Variants in NOD1 observed in about 807,000 individuals in gnomAD.
The protein encoded by NOD1 is nucleotide-binding oligomerization domain-containing protein 1.
In NOD1, 70 loss-of-function variants were observed where a neutral mutation model predicts 81.2. The ratio of observed to expected loss-of-function variants is 0.86; its 90% CI spans 0.71 to 1.05. NOD1 has a LOEUF of 1.05. NOD1 is among the 50% of genes least tolerant of loss of function. NOD1 has a pLI of 0.00. For missense variants in NOD1, 1,233 were observed against 1,228.0 expected (o/e 1.00, Z -0.06); for synonymous variants, 508 against 526.9 (o/e 0.96, Z 0.49).
chr7:30,446,520 G>C, intron 8 of NOD1: 1 of 446,166 alleles, frequency 2.2e-6, no homozygotes, highest in South Asian at 2.5e-5. Context: ...CTTCCCTCGG[G>C]AGACCTGGGA....
intron 6 of NOD1, among the ~76,000 whole-genome samples, chr7:30,450,918 A>G (rs1034353250): frequency 6.6e-6 from 1 of 152,190 alleles, no homozygotes; most frequent in African/African-American, 2.4e-5. Flanking sequence ...CTCAACTAAC[A>G]TTGGTCCCTG....
Position 30,451,461 on chromosome 7 carries a change from G to C in NOD1, c.1956C>G (p.Phe652Leu). Reference protein sequence around the residue: ...SFNQVQAMPTFIWMLRCIYET... With the variant: ...SFNQVQAMPTLIWMLRCIYET... ...CGTAGATGCAGCGCAGCATCCAGAT[G>C]AACGTGGGCATGGCCTGCACCTGGT... The change falls in exon 6 of 14, where the codon TTC (phenylalanine) becomes TTG (leucine). Residue 652 changes from phenylalanine (F) to leucine (L), a missense_variant. Phe to Leu is a conservative substitution (Grantham distance 22). Coordinates refer to ENST00000222823, the MANE Select transcript of NOD1 (RefSeq NM_006092.4). The surrounding 1 kb of genome is among the most constrained non-coding windows in gnomAD (Gnocchi z 4.2). The C allele has an allele frequency of 6.2e-7, 1 of 1,613,478 alleles. No homozygotes were observed. The highest frequency in any genetic ancestry group is 8.5e-7 in the Non-Finnish European group (1 of 1,180,006).
At chr7:30,454,357 C>T (rs926097347) in intron 5 of NOD1, among the ~76,000 whole-genome samples, 1 of 152,208 alleles carries the variant, frequency 6.6e-6, no homozygotes, top group South Asian at 2.1e-4. Flanking sequence ...CTTGGACTGC[C>T]GCTGTCCTGA....
chr7:30,466,922 T>C (rs1787754375), intron 1 of NOD1, among the ~76,000 whole-genome samples: 1 of 152,148 alleles, frequency 6.6e-6, no homozygotes, highest in African/African-American at 2.4e-5. Context: ...GTTACATCAT[T>C]CACCTTCTCC....
intron 5 of NOD1, among the ~76,000 whole-genome samples, chr7:30,454,048 G>T (rs1380634169): frequency 1.3e-5 from 2 of 152,176 alleles, no homozygotes; most frequent in Non-Finnish European, 2.9e-5. Context: ...AAGGAAACAA[G>T]GGGAGACAGG....
At chr7:30,457,094 A>G in intron 3 of NOD1, 52 bp from the exon 4 acceptor site, 1 of 609,116 alleles carries the variant, frequency 1.6e-6, no homozygotes, top group Admixed American at 2.7e-5. Flanking sequence ...GAAAGAGCTC[A>G]CCCCACCTCC....
intron 13 of NOD1, chr7:30,428,391 G>A (rs1443048157): frequency 1.3e-5 from 2 of 151,686 alleles, no homozygotes; most frequent in Admixed American, 6.6e-5. Flanking sequence ...AAAACCTTTT[G>A]TCTACAACCC....
rs776469099 is a variant in NOD1 at position 30,447,003 on chromosome 7, T to C, written c.2333A>G (p.Lys778Arg). The change falls in exon 8 of 14, where the codon AAA becomes AGA. Residue 778 changes from lysine to arginine, a missense_variant. Lys to Arg is a conservative substitution (Grantham distance 26). Coordinates refer to ENST00000222823, the MANE Select transcript of NOD1 (RefSeq NM_006092.4). ...GAGGCCTTTGCATTCATCCAGGATT[T>C]TGGTGACGTACCTGGCTCCGACATC... is the stretch of plus-strand genomic sequence containing the variant. ...ITDVGARYVT[K>R]ILDECKGLTH... The C allele has an allele frequency of 6.2e-7, 1 of 1,614,224 alleles. No homozygotes were observed. Among genetic ancestry groups the C allele is most frequent in the Non-Finnish European group, 8.5e-7 (1 of 1,180,022 alleles).
Position 30,425,521 on chromosome 7 carries a change from C to T in NOD1, c.*117G>A. The T allele has an allele frequency of 7.9e-6, 6 of 762,114 alleles. No individual in the cohort carries two copies. Among genetic ancestry groups the T allele is most frequent in the Non-Finnish European group, 1.2e-5 (5 of 425,764 alleles). 47.2% of individuals were successfully genotyped at this position (762,114 alleles called of 1,614,324 possible). A position where few individuals can be genotyped will look rare whatever the true frequency, so the allele number is the denominator to read the frequency against. On this transcript the variant is annotated 3_prime_UTR_variant, in exon 14 of 14. Transcript: ENST00000222823. ...TGGCTTGCATCATGGAGGCAGTGGACTCCTGATAGTCCCGCCTGCGCAGGC... is the reference window on the plus strand; with the variant it reads ...TGGCTTGCATCATGGAGGCAGTGGATTCCTGATAGTCCCGCCTGCGCAGGC...
intron 1 of NOD1, among the ~76,000 whole-genome samples, chr7:30,471,868 C>G (rs559994377): frequency 6.6e-6 from 1 of 152,298 alleles, no homozygotes; most frequent in East Asian, 1.9e-4. Flanking sequence ...GCCTAGGAGG[C>G]CCATATGCAT....
chr7:30,435,491 C>T (rs1784303581), intron 11 of NOD1, among the ~76,000 whole-genome samples: 1 of 152,274 alleles, frequency 6.6e-6, no homozygotes, highest in Non-Finnish European at 1.5e-5. Context: ...TCCCGGAGCC[C>T]ACTTCCTCCT....
In NOD1 at chr7:30,478,573, GC is replaced by G. The variant is rs1789031025; in HGVS notation, c.-352+32del. ...GCGCCCAGGACCTCAGAAAGGGCCT[GC>G]CCCGCGCGAATCCCCAGTCGCTGGG... On this transcript the variant is annotated intron_variant, in intron 1 of 13. Transcript: ENST00000222823. The surrounding 1 kb of genome is among the most constrained non-coding windows in gnomAD (Gnocchi z 4.1). 1 of 152,386 alleles carries G rather than the reference GC, an allele frequency of 6.6e-6. No homozygotes were observed. 9.4% of individuals were successfully genotyped at this position (152,386 alleles called of 1,614,324 possible).
At chr7:30,445,756 C>CA (rs35669955) in intron 9 of NOD1, among the ~76,000 whole-genome samples, 1,147 of 35,856 alleles carry the variant, frequency 0.032, 104 homozygotes, top group African/African-American at 0.07. Flanking sequence ...GAGACTCTGT[C>CA]AAAAAAAAAA....
At chr7:30,472,488 A>G (rs1187158243) in intron 1 of NOD1, among the ~76,000 whole-genome samples, 1 of 152,264 alleles carries the variant, frequency 6.6e-6, no homozygotes, top group Non-Finnish European at 1.5e-5. Flanking sequence ...CACTTAAAGC[A>G]CTTTCCACAA....
chr7:30,474,458 T>A (rs563090023), intron 1 of NOD1, among the ~76,000 whole-genome samples: 1 of 152,304 alleles, frequency 6.6e-6, no homozygotes, highest in South Asian at 2.1e-4. Flanking sequence ...GGAAGACAAT[T>A]TTTCCACAGA....
chr7:30,462,544 A>G (rs2128087361), intron 1 of NOD1, among the ~76,000 whole-genome samples: 1 of 152,202 alleles, frequency 6.6e-6, no homozygotes, highest in South Asian at 2.1e-4. Context: ...TTGACAAAGT[A>G]TAGCATATTC....
rs545520327 is a variant in NOD1 at position 30,434,197 on chromosome 7, G to T, written c.2622-1018C>A. ...TCTTTGGGTCTGAGTTTTCTCACTG[G>T]TGAACGTTAACAGTAGAGATCGTAT... On this transcript the variant is annotated intron_variant, in intron 11 of 13. Transcript: ENST00000222823. 1.1e-3 allele frequency among the ~76,000 whole-genome samples: 160 copies of T among 152,288 alleles called. 1 individual carries two copies. The highest frequency in any genetic ancestry group is 1.7e-3 in the Non-Finnish European group (117 of 68,020).
rs1404869149 is a variant in NOD1 at position 30,425,320 on chromosome 7, CTG to C, written c.*316_*317del. The C allele has an allele frequency of 3.3e-6, 1 of 306,996 alleles. No individual in the cohort carries two copies. The highest frequency in any genetic ancestry group is 6.1e-6 in the Non-Finnish European group (1 of 163,596). 19.0% of individuals were successfully genotyped at this position (306,996 alleles called of 1,614,324 possible). ...TGGAATGAGGTGAGGCTGGCCTCCT[CTG>C]TTTGCTCACAGCTTTATTCCTCTAG... is the stretch of plus-strand genomic sequence containing the variant. On this transcript the variant is annotated 3_prime_UTR_variant, in exon 14 of 14. Coordinates refer to ENST00000222823, the MANE Select transcript of NOD1 (RefSeq NM_006092.4).
Position 30,433,354 on chromosome 7 carries a change from A to G in NOD1, c.2622-175T>C, listed in dbSNP as rs1482540976. 1.0e-5 allele frequency: 6 copies of G among 585,320 alleles called. No individual in the cohort carries two copies. In the African/African-American group the frequency reaches 1.1e-4, roughly 11 times the overall value. 36.3% of individuals were successfully genotyped at this position (585,320 alleles called of 1,614,324 possible). ...CAGCCTGTCAGCCCCACAGAAGGTC[A>G]ATGGGACTCATTTTTAATGCAAATC... On this transcript the variant is annotated intron_variant, in intron 11 of 13. Transcript: ENST00000222823.
Sources: gnomAD v4.1 joint callset for allele counts (sites outside exome capture counted in the v4.1 genomes callset) on GRCh38, gnomAD v4.1.1 for gene constraint, Gnocchi (gnomAD v3.1) non-coding constraint, MANE v1.5 for transcripts, NCBI Gene and HGNC (gene_info 2026-07-23, HGNC 2026-07-21) for gene names.